The following KCNH8 variants were observed in gnomAD, a reference collection of about 807,000 sequenced individuals.
The protein encoded by KCNH8 is voltage-gated delayed rectifier potassium channel KCNH8.
In KCNH8, 70 loss-of-function variants were observed where a neutral mutation model predicts 103.6. That is an observed-to-expected ratio of 0.68 (90% confidence interval 0.56 to 0.82). The LOEUF is 0.82. KCNH8 is among the 40% of genes least tolerant of loss of function. The pLI, the probability that KCNH8 is intolerant of heterozygous loss-of-function variation, is 0.00. For missense variants in KCNH8, 1,217 were observed against 1,329.9 expected, an observed-to-expected ratio of 0.92 and a Z score of 1.32; for synonymous variants, 498 against 489.4, an observed-to-expected ratio of 1.02 and a Z score of -0.23.
intron 1 of KCNH8, among the ~76,000 whole-genome samples, chr3:19,149,663 C>T (rs2125177037): frequency 6.6e-6 from 1 of 152,188 alleles, no homozygotes; most frequent in East Asian, 1.9e-4. Context: ...TGGCTTTAAC[C>T]CTGTAATTAG....
At chr3:19,224,793 C>T (rs2063911348) in intron 1 of KCNH8, among the ~76,000 whole-genome samples, 1 of 152,110 alleles carries the variant, frequency 6.6e-6, no homozygotes, top group African/African-American at 2.4e-5. Context: ...AATTACCAGT[C>T]ATTCCCAAGG....
chr3:19,200,562 G>C (rs1397731456), intron 1 of KCNH8, among the ~76,000 whole-genome samples: 1 of 150,256 alleles, frequency 6.7e-6, no homozygotes, highest in African/African-American at 2.5e-5. Context: ...TAATCAGTGT[G>C]ATCTTTAGCT....
intron 1 of KCNH8, among the ~76,000 whole-genome samples, chr3:19,226,450 G>A (rs902991489): frequency 2.6e-5 from 4 of 152,164 alleles, no homozygotes; most frequent in Admixed American, 2.6e-4. Context: ...AGAAGAAACT[G>A]TGGTTTCTAT....
chr3:19,207,841 C>T (rs575740247), intron 1 of KCNH8, among the ~76,000 whole-genome samples: 98 of 151,704 alleles, frequency 6.5e-4, no homozygotes, highest in Non-Finnish European at 1.1e-3. Flanking sequence ...GCTTTTCTCA[C>T]CAAAAATATA....
chr3:19,167,463 A>G (rs2063296929), intron 1 of KCNH8, among the ~76,000 whole-genome samples: 1 of 152,228 alleles, frequency 6.6e-6, no homozygotes, highest in African/African-American at 2.4e-5. Flanking sequence ...AAAATTTATC[A>G]GTAGGGAAGA....
At chr3:19,230,547 G>C (rs930787606) in intron 1 of KCNH8, among the ~76,000 whole-genome samples, 1 of 152,158 alleles carries the variant, frequency 6.6e-6, no homozygotes, top group Non-Finnish European at 1.5e-5. Flanking sequence ...TTAGATATTT[G>C]TGATAAATGG....
chr3:19,532,168 GTTA>G (rs778671103), intron 15 of KCNH8, among the ~76,000 whole-genome samples: 4 of 152,128 alleles, frequency 2.6e-5, no homozygotes, highest in Non-Finnish European at 5.9e-5. Context: ...TCTAATGAAT[GTTA>G]TTATGTATTT....
At chr3:19,526,365 C>CCAAT (rs756701623) in intron 15 of KCNH8, among the ~76,000 whole-genome samples, 2 of 151,906 alleles carry the variant, frequency 1.3e-5, no homozygotes, top group Non-Finnish European at 2.9e-5. Context: ...GAATTTTACA[C>CCAAT]CAATCATGCC....
chr3:19,454,436 C>T (rs990229279), intron 10 of KCNH8, among the ~76,000 whole-genome samples: 3 of 152,050 alleles, frequency 2.0e-5, no homozygotes, highest in African/African-American at 4.8e-5. Context: ...TCTAGACTTT[C>T]TCTTTAGCAT....
At chr3:19,373,525 G>A (rs13079746) in intron 5 of KCNH8, among the ~76,000 whole-genome samples, 22,571 of 151,892 alleles carry the variant, frequency 0.15, 2,204 homozygotes, top group Non-Finnish European at 0.21. Flanking sequence ...TCTTGCTAGC[G>A]GTCTATCAGT....
chr3:19,218,946 A>G (rs1156789903), intron 1 of KCNH8, among the ~76,000 whole-genome samples: 1 of 152,126 alleles, frequency 6.6e-6, no homozygotes, highest in East Asian at 1.9e-4. Context: ...ATTTTAACTA[A>G]TGGCATCTGC....
At chr3:19,190,447 T>G (rs1301305310) in intron 1 of KCNH8, among the ~76,000 whole-genome samples, 1 of 152,012 alleles carries the variant, frequency 6.6e-6, no homozygotes, top group African/African-American at 2.4e-5. Context: ...TTGTATTTTA[T>G]TTTATCCTAG....
chr3:19,344,844 C>A (rs1422316602), intron 4 of KCNH8, among the ~76,000 whole-genome samples: 1 of 152,032 alleles, frequency 6.6e-6, no homozygotes, highest in Non-Finnish European at 1.5e-5. Flanking sequence ...TTATAGCAAG[C>A]CAGTACTAGG....
intron 4 of KCNH8, 84 bp downstream of exon 4, chr3:19,342,798 C>T: frequency 1.5e-6 from 2 of 1,327,580 alleles, no homozygotes; most frequent in East Asian, 2.7e-5. Context: ...CCTCAATTAC[C>T]CATTTATTGG....
intron 6 of KCNH8, among the ~76,000 whole-genome samples, chr3:19,392,358 T>G (rs1217069316): frequency 6.6e-6 from 1 of 150,570 alleles, no homozygotes; most frequent in Non-Finnish European, 1.5e-5. Context: ...GGAAGGAATC[T>G]GTTACCAGTG....
chr3:19,349,911 G>A (rs2065776973), intron 5 of KCNH8, among the ~76,000 whole-genome samples: 1 of 151,940 alleles, frequency 6.6e-6, no homozygotes, highest in African/African-American at 2.4e-5. Context: ...ACATGCAAAG[G>A]AATGAAAACC....
intron 11 of KCNH8, among the ~76,000 whole-genome samples, chr3:19,462,363 G>A (rs567035344): frequency 6.6e-6 from 1 of 152,136 alleles, no homozygotes; most frequent in African/African-American, 2.4e-5. Context: ...ATCTCATTGT[G>A]GTTTTGATTT....
intron 2 of KCNH8, among the ~76,000 whole-genome samples, chr3:19,272,622 G>A (rs536731805): frequency 6.6e-6 from 1 of 152,072 alleles, no homozygotes; most frequent in Non-Finnish European, 1.5e-5. Context: ...CTGCATCATG[G>A]TCTTCTCATA....
intron 11 of KCNH8, 117 bp downstream of exon 11, chr3:19,457,099 G>T (rs1387014330): frequency 9.9e-6 from 6 of 606,984 alleles, no homozygotes; most frequent in African/African-American, 1.9e-5. Flanking sequence ...TATCTAAGAC[G>T]TGAATATTCA....
Sources: allele counts gnomAD v4.1 joint callset (sites outside exome capture counted in the v4.1 genomes callset), GRCh38; gene constraint gnomAD v4.1.1; transcripts MANE v1.5; gene names NCBI Gene and HGNC (gene_info 2026-07-23, HGNC 2026-07-21).